The following CAMTA1 variants were observed in gnomAD, a reference collection of about 807,000 sequenced individuals.
CAMTA1 encodes the protein calmodulin-binding transcription activator 1.
CAMTA1 carries 27 observed loss-of-function variants against 170.9 expected under a neutral mutation model. That is an observed-to-expected ratio of 0.16 (90% confidence interval 0.12 to 0.22). The LOEUF (loss-of-function observed/expected upper bound fraction) is 0.22. Among genes scored for constraint, CAMTA1 ranks in the 10% least tolerant of loss-of-function variants. The pLI is 1.00. For synonymous variants in CAMTA1, 833 were observed against 891.5 expected (o/e 0.93, Z 1.17); for missense variants, 1,619 against 2,217.2 (o/e 0.73, Z 5.42).
intron 11 of CAMTA1, chr1:7,694,336 A>T (rs2096351430): frequency 6.6e-6 from 1 of 152,240 alleles, no homozygotes; most frequent in Admixed American, 6.5e-5. Context: ...AGTTTGGGTG[A>T]ATACTTTGTC....
At chr1:7,704,779 G>C (rs1359047218) in intron 11 of CAMTA1, among the ~76,000 whole-genome samples, 1 of 148,156 alleles carries the variant, frequency 6.7e-6, no homozygotes, top group Non-Finnish European at 1.5e-5. Flanking sequence ...GAGTGGAGCT[G>C]AGCGGGCGCG....
rs1558129058 is a variant in CAMTA1, at chr1:7,685,246, C to G, written c.2914+7513C>G. 2.0e-5 allele frequency among the ~76,000 whole-genome samples: 3 copies of G among 152,186 alleles called. No homozygotes were observed. ...TATTGAGCATTTACTATATACACAG[C>G]AATACGTATTTAGGGAAGGATGCAG... On this transcript the variant is annotated intron_variant, in intron 11 of 22. Transcript: ENST00000303635. The surrounding 1 kb of genome is among the most constrained non-coding windows in gnomAD (Gnocchi z 5.7).
chr1:7,728,781 G>T (rs1346525701), intron 11 of CAMTA1, among the ~76,000 whole-genome samples: 1 of 152,228 alleles, frequency 6.6e-6, no homozygotes, highest in African/African-American at 2.4e-5. Flanking sequence ...CCTGTGATCT[G>T]CAAGATTTCA....
chr1:7,141,008 G>A (rs4908601), intron 4 of CAMTA1, among the ~76,000 whole-genome samples: 86,374 of 151,978 alleles, frequency 0.57, 24,944 homozygotes, highest in African/African-American at 0.67. Flanking sequence ...TGACTGTTCT[G>A]TGAACCTTCG....
intron 6 of CAMTA1, among the ~76,000 whole-genome samples, chr1:7,531,951 C>T (rs941144657): frequency 3.3e-5 from 5 of 152,172 alleles, no homozygotes; most frequent in Admixed American, 2.0e-4. Context: ...TTTTTTCTAA[C>T]GCACCTACAA....
At chr1:7,416,758 C>T (rs904607370) in intron 5 of CAMTA1, among the ~76,000 whole-genome samples, 1 of 152,240 alleles carries the variant, frequency 6.6e-6, no homozygotes, top group South Asian at 2.1e-4. Context: ...CTTCTCTCAA[C>T]TCGTCAAAGT....
chr1:7,206,741 G>A (rs1375558263), intron 4 of CAMTA1, among the ~76,000 whole-genome samples: 1 of 152,152 alleles, frequency 6.6e-6, no homozygotes, highest in Non-Finnish European at 1.5e-5. Flanking sequence ...CTGTAATGTG[G>A]GAGCCTCTGT....
At chr1:6,857,599 G>GT (rs1662928084) in intron 3 of CAMTA1, among the ~76,000 whole-genome samples, 1 of 152,198 alleles carries the variant, frequency 6.6e-6, no homozygotes, top group South Asian at 2.1e-4. Flanking sequence ...CATGTGTTTT[G>GT]TTTACAGAGT....
intron 3 of CAMTA1, among the ~76,000 whole-genome samples, chr1:6,996,619 TTCTA>T (rs1446040458): frequency 2.0e-5 from 3 of 152,064 alleles, no homozygotes; most frequent in East Asian, 3.9e-4. Context: ...GACTTCAGTT[TTCTA>T]TCTGAGTATT....
chr1:7,455,077 G>A lies in CAMTA1; in HGVS notation c.439-12753G>A, dbSNP rs1044315912. Among the ~76,000 whole-genome samples, 3 of 152,122 alleles carry A rather than the reference G, an allele frequency of 2.0e-5. No homozygotes were observed. The highest frequency in any genetic ancestry group is 3.9e-4 in the East Asian group (2 of 5,176). On this transcript the variant is annotated intron_variant, in intron 5 of 22. Transcript: ENST00000303635. This position sits in a 1 kb window ranked among gnomAD's most constrained non-coding sequence, Gnocchi z 5.0. ...CAGGGCCCTGGGGGCATCCAGGGCC[G>A]GCCTGGCTGGGGCAGCGCATCTGCA...
At chr1:7,377,062 A>G (rs1324599287) in intron 5 of CAMTA1, among the ~76,000 whole-genome samples, 2 of 152,172 alleles carry the variant, frequency 1.3e-5, no homozygotes, top group Non-Finnish European at 2.9e-5. Context: ...AATTAATACA[A>G]TTAATTTAGA....
chr1:7,570,674 G>A lies in CAMTA1; in HGVS notation c.511-69726G>A, dbSNP rs60776633. Among the ~76,000 whole-genome samples, 792 of 152,358 alleles carry A rather than the reference G, an allele frequency of 5.2e-3. 4 individuals are homozygous for A. The highest frequency in any genetic ancestry group is 0.017 in the African/African-American group (719 of 41,582). ...CACTGCCCTGTTCACCAAGGCCAAG[G>A]TCCTGTCAGCCTCCTGCTGTGTCAG... On this transcript the variant is annotated intron_variant, in intron 6 of 22. Transcript: ENST00000303635. The surrounding 1 kb of genome is among the most constrained non-coding windows in gnomAD (Gnocchi z 4.3).
intron 5 of CAMTA1, among the ~76,000 whole-genome samples, chr1:7,391,871 C>T (rs989217125): frequency 1.1e-4 from 16 of 152,102 alleles, no homozygotes; most frequent in African/African-American, 3.9e-4. Flanking sequence ...AGTGGTGTTC[C>T]ATGGTGTGGA....
chr1:6,807,361 C>T (rs1222801182), intron 1 of CAMTA1, among the ~76,000 whole-genome samples: 1 of 152,160 alleles, frequency 6.6e-6, no homozygotes, highest in Admixed American at 6.5e-5. Context: ...TGAGCTTGTT[C>T]ACATACTGTT....
chr1:7,759,517 GTTTT>G, intron 22 of CAMTA1, among the ~76,000 whole-genome samples: 1 of 152,100 alleles, frequency 6.6e-6, no homozygotes, highest in East Asian at 1.9e-4. Context: ...TGGTTGTTTT[GTTTT>G]TTGTTTTTCT....
chr1:7,487,058 C>T (rs1455741534), intron 6 of CAMTA1, among the ~76,000 whole-genome samples: 1 of 152,196 alleles, frequency 6.6e-6, no homozygotes, highest in Admixed American at 6.5e-5. Context: ...AAGCACTTAG[C>T]GTGATACACG....
At chr1:7,621,601 C>T (rs1165279821) in intron 6 of CAMTA1, among the ~76,000 whole-genome samples, 1 of 152,202 alleles carries the variant, frequency 6.6e-6, no homozygotes, top group Non-Finnish European at 1.5e-5. Flanking sequence ...AATTTCCTGT[C>T]AGGTGCCTCT....
chr1:7,658,469 G>C (rs1168898402), intron 7 of CAMTA1, among the ~76,000 whole-genome samples: 1 of 152,178 alleles, frequency 6.6e-6, no homozygotes, highest in East Asian at 1.9e-4. Flanking sequence ...TCTAGGGCCT[G>C]GGTACAGCCA....
chr1:7,314,704 T>A (rs1677225013), intron 5 of CAMTA1, among the ~76,000 whole-genome samples: 1 of 152,218 alleles, frequency 6.6e-6, no homozygotes, highest in Non-Finnish European at 1.5e-5. Flanking sequence ...GTTTCACAAT[T>A]GAGGTGGCTG....
Sources: allele counts gnomAD v4.1 joint callset (sites outside exome capture counted in the v4.1 genomes callset), GRCh38; gene constraint gnomAD v4.1.1; non-coding constraint Gnocchi (gnomAD v3.1); transcripts MANE v1.5; gene names NCBI Gene and HGNC (gene_info 2026-07-23, HGNC 2026-07-21).